NRG1: variants seen among roughly 807,000 people sequenced by gnomAD.
NRG1 encodes the protein pro-neuregulin-1, membrane-bound isoform.
NRG1 carries 18 observed loss-of-function variants against 63.8 expected under a neutral mutation model. The observed-to-expected ratio is 0.28, with a 90% CI of 0.19 to 0.42. NRG1 has a LOEUF of 0.42. NRG1 is among the 10% of genes least tolerant of loss of function. NRG1 has a pLI of 1.00. For synonymous variants in NRG1, 302 were observed against 301.3 expected (o/e 1.00, Z -0.02); for missense variants, 762 against 814.7 (o/e 0.94, Z 0.79).
At chr8:32,135,550 C>T (rs547901294) in intron 1 of NRG1, among the ~76,000 whole-genome samples, 1 of 152,092 alleles carries the variant, frequency 6.6e-6, no homozygotes, top group Middle Eastern at 3.4e-3. Flanking sequence ...AAGGTTCCAA[C>T]CTGAGCAACT....
At chr8:31,696,865 G>A (rs908970504) in intron 1 of NRG1, among the ~76,000 whole-genome samples, 3 of 152,118 alleles carry the variant, frequency 2.0e-5, no homozygotes, top group Non-Finnish European at 4.4e-5. Flanking sequence ...AGGTGTGTGT[G>A]TGTATGCATG....
At chr8:32,222,034 T>TATACACACACACACAC (rs1554658204) in intron 1 of NRG1, among the ~76,000 whole-genome samples, 5 of 148,586 alleles carry the variant, frequency 3.4e-5, no homozygotes, top group African/African-American at 1.2e-4. Context: ...GAAACATACA[T>TATACACACACACACAC]ACACACACAC....
intron 1 of NRG1, among the ~76,000 whole-genome samples, chr8:32,394,694 G>A (rs114331731): frequency 6.6e-6 from 1 of 152,044 alleles, no homozygotes; most frequent in Admixed American, 6.6e-5. Flanking sequence ...TTGAACTTAC[G>A]TCTTTCTCCC....
At chr8:32,121,268 A>G (rs1482454524) in intron 1 of NRG1, among the ~76,000 whole-genome samples, 2 of 152,018 alleles carry the variant, frequency 1.3e-5, no homozygotes, top group African/African-American at 4.8e-5. Context: ...AAGTTAATGC[A>G]TTTTTAACTT....
At position 32,356,287 on chromosome 8, in the gene NRG1, G is replaced by A. The variant is rs73676715; in HGVS notation, c.38-239541G>A. On this transcript the variant is annotated intron_variant, in intron 1 of 10. Coordinates refer to the NRG1 transcript ENST00000519301. ...TCCAATTCTTGGTTCAAAATACAAG[G>A]GGTAATTAGACATCGACTGTGTAGT... 4.1e-3 allele frequency among the ~76,000 whole-genome samples: 625 copies of A among 152,284 alleles called. 6 individuals are homozygous for A. The highest frequency in any genetic ancestry group is 0.014 in the African/African-American group (602 of 41,566).
chr8:31,716,386 G>T (rs865853317), intron 1 of NRG1, among the ~76,000 whole-genome samples: 7 of 152,284 alleles, frequency 4.6e-5, no homozygotes, highest in African/African-American at 1.4e-4. Flanking sequence ...TCCAACTCGA[G>T]CATGGCAAAA....
chr8:31,846,858 G>T (rs1031443995), intron 1 of NRG1, among the ~76,000 whole-genome samples: 1 of 152,136 alleles, frequency 6.6e-6, no homozygotes, highest in South Asian at 2.1e-4. Context: ...TATGCATTTT[G>T]TCATTTAGTG....
At chr8:32,101,939 T>A (rs1429375435) in intron 1 of NRG1, among the ~76,000 whole-genome samples, 2 of 152,168 alleles carry the variant, frequency 1.3e-5, no homozygotes, top group Non-Finnish European at 2.9e-5. Context: ...AGTTGAAATA[T>A]GCTTTTCAGT....
chr8:32,587,147 T>C (rs1245370721), intron 1 of NRG1, among the ~76,000 whole-genome samples: 1 of 151,886 alleles, frequency 6.6e-6, no homozygotes, highest in African/African-American at 2.4e-5. Context: ...ATTCTGAGGC[T>C]GCAGTAAGCT....
intron 1 of NRG1, among the ~76,000 whole-genome samples, chr8:31,897,486 A>C (rs930174341): frequency 6.6e-6 from 1 of 152,160 alleles, no homozygotes. Flanking sequence ...TCATGAGGAA[A>C]ATCCACATTC....
chr8:32,313,651 A>G (rs960261547), intron 1 of NRG1, among the ~76,000 whole-genome samples: 1 of 152,176 alleles, frequency 6.6e-6, no homozygotes, highest in African/African-American at 2.4e-5. Flanking sequence ...GTCACATCCA[A>G]TTTTTAACAC....
chr8:32,031,488 C>T (rs1357499936), intron 1 of NRG1, among the ~76,000 whole-genome samples: 1 of 152,108 alleles, frequency 6.6e-6, no homozygotes, highest in Non-Finnish European at 1.5e-5. Flanking sequence ...CTATTTCCCC[C>T]TTTCTGCTTT....
At chr8:32,315,573 C>T (rs1857293738) in intron 1 of NRG1, among the ~76,000 whole-genome samples, 1 of 152,186 alleles carries the variant, frequency 6.6e-6, no homozygotes, top group Admixed American at 6.5e-5. Flanking sequence ...CACTGTCTAT[C>T]AGAAAACTGC....
At chr8:32,186,301 A>G (rs2132146486) in intron 1 of NRG1, among the ~76,000 whole-genome samples, 1 of 152,136 alleles carries the variant, frequency 6.6e-6, no homozygotes, top group Non-Finnish European at 1.5e-5. Flanking sequence ...ATTTCACTAA[A>G]AATACAAAAA....
At chr8:32,491,803 T>G (rs1826603328) in intron 1 of NRG1, among the ~76,000 whole-genome samples, 1 of 152,238 alleles carries the variant, frequency 6.6e-6, no homozygotes. Context: ...CTTGGGCCAC[T>G]TCCCTCTTTG....
chr8:31,913,219 A>G (rs1165104494), intron 1 of NRG1, among the ~76,000 whole-genome samples: 2 of 152,206 alleles, frequency 1.3e-5, no homozygotes, highest in Non-Finnish European at 2.9e-5. Flanking sequence ...GTATAAAACA[A>G]TATCCACTCC....
intron 1 of NRG1, among the ~76,000 whole-genome samples, chr8:32,222,060 C>CACACAT (rs1845879322): frequency 6.6e-6 from 1 of 151,894 alleles, no homozygotes; most frequent in Non-Finnish European, 1.5e-5. Context: ...CACACACACA[C>CACACAT]ACACATGCAC....
intron 1 of NRG1, among the ~76,000 whole-genome samples, chr8:32,122,785 C>A (rs376589080): frequency 6.6e-6 from 1 of 151,868 alleles, no homozygotes; most frequent in African/African-American, 2.4e-5. Context: ...TCCCCCCACC[C>A]CACAACAGTC....
At chr8:32,095,567 A>G (rs1829794408) in intron 1 of NRG1, among the ~76,000 whole-genome samples, 1 of 152,232 alleles carries the variant, frequency 6.6e-6, no homozygotes. Context: ...CCATATGAAA[A>G]GAATAACATC....
Sources: allele counts gnomAD v4.1 joint callset (sites outside exome capture counted in the v4.1 genomes callset), GRCh38; gene constraint gnomAD v4.1.1; transcripts MANE v1.5; gene names NCBI Gene and HGNC (gene_info 2026-07-23, HGNC 2026-07-21).